RACGAP1: variants seen among roughly 807,000 people sequenced by gnomAD.
RACGAP1 encodes the protein rac GTPase-activating protein 1.
Under a neutral mutation model 78.1 loss-of-function variants are expected in RACGAP1, and 30 were observed. The observed-to-expected ratio is 0.38, with a 90% CI of 0.29 to 0.52. The LOEUF (loss-of-function observed/expected upper bound fraction) is 0.52. Among genes scored for constraint, RACGAP1 ranks in the 20% least tolerant of loss-of-function variants. The pLI is 0.82. For missense variants in RACGAP1, 587 were observed against 777.1 expected, an observed-to-expected ratio of 0.76 and a Z score of 2.91; for synonymous variants, 231 against 264.8, an observed-to-expected ratio of 0.87 and a Z score of 1.24.
chr12:50,006,361 C>A, intron 3 of RACGAP1, 73 bp downstream of exon 3: 4 of 1,528,434 alleles, frequency 2.6e-6, no homozygotes, highest in Non-Finnish European at 3.6e-6. Context: ...GTATATTTGG[C>A]AAGTGGAAAC....
chr12:50,028,509 C>G (rs528834370), upstream of RACGAP1, among the ~76,000 whole-genome samples: 2 of 152,350 alleles, frequency 1.3e-5, no homozygotes, highest in East Asian at 3.9e-4. Flanking sequence ...TGGCTTACGC[C>G]TGTAATCCCA....
intron 1 of RACGAP1, among the ~76,000 whole-genome samples, chr12:50,032,697 G>A (rs1217717070): frequency 6.6e-6 from 1 of 152,218 alleles, no homozygotes; most frequent in Non-Finnish European, 1.5e-5. Flanking sequence ...GCTGGTGCCA[G>A]AAAGCTTGGG....
upstream of RACGAP1, among the ~76,000 whole-genome samples, chr12:50,027,762 G>A (rs1380523282): frequency 1.3e-5 from 2 of 152,172 alleles, no homozygotes; most frequent in African/African-American, 2.4e-5. Context: ...GGAGGCAGAG[G>A]TTGTGGTGAG....
At chr12:50,025,353 C>CA (rs1373257664) in intron 1 of RACGAP1, 45 bp downstream of exon 1, 3 of 985,790 alleles carry the variant, frequency 3.0e-6, no homozygotes, top group African/African-American at 3.5e-5. Context: ...CTTCCTATCA[C>CA]AATCCAGCGG....
intron 12 of RACGAP1, among the ~76,000 whole-genome samples, chr12:49,992,864 T>C (rs1947989924): frequency 6.6e-6 from 1 of 152,204 alleles, no homozygotes; most frequent in Non-Finnish European, 1.5e-5. Flanking sequence ...AAATCGGCCT[T>C]TGCAGTTAGG....
chr12:50,024,713 G>A (rs1212510212), intron 1 of RACGAP1, among the ~76,000 whole-genome samples: 1 of 151,780 alleles, frequency 6.6e-6, no homozygotes, highest in Non-Finnish European at 1.5e-5. Context: ...TAAGCTACAG[G>A]AAAGGCGCCT....
At chr12:49,999,833 C>CT in intron 7 of RACGAP1, 100 bp from the exon 8 acceptor site, 5 of 923,284 alleles carry the variant, frequency 5.4e-6, no homozygotes, top group Non-Finnish European at 7.0e-6. Flanking sequence ...TAGTCTTAGT[C>CT]AAGACTTAAG....
chr12:49,990,842 C>CT lies in RACGAP1; in HGVS notation c.1715-51dup, dbSNP rs758232255. The CT allele has an allele frequency of 7.1e-5, 101 of 1,427,174 alleles. No individual in the cohort carries two copies. The African/African-American group carries it at 1.1e-3, about 16-fold the overall frequency. 88.4% of individuals were successfully genotyped at this position (1,427,174 alleles called of 1,614,324 possible). ...AGAGAGGTGGGAAAAAAGAAGGCAT[C>CT]TTTTTAGATGGCTAGTTTTAAGCTG... On this transcript the variant is annotated intron_variant, in intron 15 of 16. Transcript: ENST00000312377.
At chr12:49,992,220 T>G in intron 14 of RACGAP1, 25 bp downstream of exon 14, 1 of 1,611,592 alleles carries the variant, frequency 6.2e-7, no homozygotes, top group South Asian at 1.1e-5. Context: ...CAAGTTCACA[T>G]ACACACACAC....
In RACGAP1 at chr12:49,991,979, A is replaced by G. The variant is rs879211240; in HGVS notation, c.1714+19T>C. 6.2e-7 allele frequency: 1 copy of G among 1,612,412 alleles called. No individual in the cohort carries two copies. Among genetic ancestry groups the G allele is most frequent in the African/African-American group, 1.3e-5 (1 of 74,930 alleles). On this transcript the variant is annotated intron_variant, in intron 15 of 16. Coordinates refer to ENST00000312377, the MANE Select transcript of RACGAP1 (RefSeq NM_001319999.2). ...AAAGAGAGAGTCAAGTCCCTGAAGA[A>G]GCACATCTTGGGCCTTACCTTTAAT...
upstream of RACGAP1, among the ~76,000 whole-genome samples, chr12:50,028,535 G>A (rs1044764186): frequency 9.9e-5 from 15 of 152,144 alleles, no homozygotes; most frequent in Non-Finnish European, 2.2e-4. Flanking sequence ...TTGGGAGGCC[G>A]AGGCCTGTGG....
chr12:50,025,289 G>GA (rs1435055336), intron 1 of RACGAP1, 109 bp downstream of exon 1: 1 of 984,932 alleles, frequency 1.0e-6, no homozygotes, highest in Non-Finnish European at 1.2e-6. Context: ...CTGTCCCGCT[G>GA]TCCCGCTGTC....
rs572176982 is a variant in RACGAP1 at position 50,008,542 on chromosome 12, G to C, written c.86-1906C>G. Among the ~76,000 whole-genome samples, 4 of 140,798 alleles carry C rather than the reference G, an allele frequency of 2.8e-5. No homozygotes were observed. The South Asian group carries it at 6.9e-4, about 24-fold the overall frequency. 92.4% of individuals were successfully genotyped at this position (140,798 alleles called of 152,430 possible). A position where few individuals can be genotyped will look rare whatever the true frequency, so the allele number is the denominator to read the frequency against. ...CAGTCTTCCTCTGTCACCCAGACTG[G>C]AGTGCAGTAGCACAATCTTGGCTCA... On this transcript the variant is annotated intron_variant, in intron 2 of 16. Coordinates refer to ENST00000312377, the MANE Select transcript of RACGAP1 (RefSeq NM_001319999.2).
chr12:50,025,794 G>A (rs573963247), upstream of RACGAP1, among the ~76,000 whole-genome samples: 2 of 152,250 alleles, frequency 1.3e-5, no homozygotes, highest in Non-Finnish European at 2.9e-5. Context: ...CCTTGGAAAC[G>A]ATTAACTGAA....
rs118138078 is a variant in RACGAP1, at chr12:50,007,641, T to C, written c.86-1005A>G. Among the ~76,000 whole-genome samples the C allele has an allele frequency of 5.0e-3, 754 of 152,322 alleles. 1 individual carries two copies. Among genetic ancestry groups the C allele is most frequent in the South Asian group, 0.012 (60 of 4,832 alleles). On this transcript the variant is annotated intron_variant, in intron 2 of 16. Transcript: ENST00000312377. ...CCCCTATGAATTTAACCTAAAAGCA[T>C]AGAAACAATACATAGTCCTTTTTAA...
intron 1 of RACGAP1, chr12:50,017,193 T>A: frequency 1.8e-6 from 1 of 570,768 alleles, no homozygotes; most frequent in Non-Finnish European, 2.2e-6. Flanking sequence ...CAGGACATGG[T>A]CAGCACATTT....
At chr12:50,000,037 G>A (rs1425999617) in intron 7 of RACGAP1, among the ~76,000 whole-genome samples, 2 of 2,932 alleles carry the variant, frequency 6.8e-4, no homozygotes, top group African/African-American at 7.3e-4. Flanking sequence ...TTTTTGAGAC[G>A]GAGTCTCGCT....
chr12:49,991,479 A>ATATATTT (rs1555169074), intron 15 of RACGAP1, among the ~76,000 whole-genome samples: 5 of 24,092 alleles, frequency 2.1e-4, no homozygotes, highest in African/African-American at 7.0e-4. Flanking sequence ...ATATATATAT[A>ATATATTT]TTTTTTTTTT....
intron 6 of RACGAP1, 111 bp downstream of exon 6, chr12:50,002,136 G>C (rs1826517330): frequency 1.4e-6 from 1 of 729,172 alleles, no homozygotes; most frequent in African/African-American, 1.8e-5. Flanking sequence ...TGTAGTATGT[G>C]CTTAACAATG....
Sources: allele counts gnomAD v4.1 joint callset (sites outside exome capture counted in the v4.1 genomes callset), GRCh38; gene constraint gnomAD v4.1.1; transcripts MANE v1.5; gene names NCBI Gene and HGNC (gene_info 2026-07-23, HGNC 2026-07-21).